APBA1: variants seen among roughly 807,000 people sequenced by gnomAD.
APBA1 encodes amyloid-beta A4 precursor protein-binding family A member 1.
In APBA1, 55 loss-of-function variants were observed where a neutral mutation model predicts 86.6. The observed-to-expected ratio is 0.64, with a 90% CI of 0.51 to 0.80. APBA1 has a LOEUF of 0.80. Among genes scored for constraint, APBA1 ranks in the 30% least tolerant of loss-of-function variants. APBA1 has a pLI of 0.00. For missense variants in APBA1, 1,090 were observed against 1,183.0 expected, an observed-to-expected ratio of 0.92 and a Z score of 1.15; for synonymous variants, 511 against 493.9, an observed-to-expected ratio of 1.03 and a Z score of -0.46.
intron 2 of APBA1, among the ~76,000 whole-genome samples, chr9:69,495,648 C>T (rs922166911): frequency 1.3e-5 from 2 of 152,102 alleles, no homozygotes; most frequent in Non-Finnish European, 2.9e-5. Context: ...CTGGCCTACC[C>T]CTTCTGGCAG....
At chr9:69,457,740 G>C (rs1835122479) in intron 6 of APBA1, among the ~76,000 whole-genome samples, 2 of 152,168 alleles carry the variant, frequency 1.3e-5, no homozygotes, top group African/African-American at 4.8e-5. Flanking sequence ...AGCGCAGTCT[G>C]GTTCATTTAG....
At chr9:69,592,578 G>C (rs1293218436) in intron 1 of APBA1, among the ~76,000 whole-genome samples, 3 of 152,204 alleles carry the variant, frequency 2.0e-5, no homozygotes, top group Non-Finnish European at 4.4e-5. Flanking sequence ...CTGGGCAACA[G>C]AGCAAGACCC....
In APBA1 at chr9:69,545,365, G is replaced by C. The variant is rs546988854; in HGVS notation, c.-69-28086C>G. 8.5e-5 allele frequency among the ~76,000 whole-genome samples: 13 copies of C among 152,300 alleles called. No homozygotes were observed. In the South Asian group the frequency reaches 2.7e-3, roughly 32 times the overall value. ...GGCTTTCCAGTCCCTCATATGGCCA[G>C]GCTGCACCTCTGGTTCTTGGAACCT... On this transcript the variant is annotated intron_variant, in intron 1 of 12. Transcript: ENST00000265381.
At position 69,440,097 on chromosome 9, in the gene APBA1, G is replaced by A. The variant is rs550893665; in HGVS notation, c.2301+899C>T. ...TCAGCAGCAGTGGCTGCAGAACAGC[G>A]GATATTGGTGAACCGCAAATGCTGC... On this transcript the variant is annotated intron_variant, in intron 11 of 12. Coordinates refer to ENST00000265381, the MANE Select transcript of APBA1 (RefSeq NM_001163.4). Among the ~76,000 whole-genome samples, 284 of 152,286 alleles carry A rather than the reference G, an allele frequency of 1.9e-3. 2 individuals are homozygous for A. Among genetic ancestry groups the A allele is most frequent in the Admixed American group, 2.3e-3 (35 of 15,296 alleles).
In APBA1 at chr9:69,494,002, A is replaced by G. The variant is rs561778765; in HGVS notation, c.1201-17859T>C. 2.3e-4 allele frequency among the ~76,000 whole-genome samples: 35 copies of G among 152,150 alleles called. No individual in the cohort carries two copies. The East Asian group carries it at 5.8e-3, about 25-fold the overall frequency. The stretch of plus-strand genomic sequence containing the variant: ...AAGTTTTTTTTTCTTGCCCCAAGAC[A>G]TGTCTGTGCTTCTAAGAATCGAAAC... On this transcript the variant is annotated intron_variant, in intron 2 of 12. Transcript: ENST00000265381.
Position 69,670,405 on chromosome 9 carries a change from G to A in APBA1, c.-70+1748C>T, listed in dbSNP as rs181077219. ...TAGCCATGACTGCTACGGGCTTTTCGAAGAGAACCGGGCAGCCAGTTTGGA... is the reference window on the plus strand; with the variant it reads ...TAGCCATGACTGCTACGGGCTTTTCAAAGAGAACCGGGCAGCCAGTTTGGA... On this transcript the variant is annotated intron_variant, in intron 1 of 12. Transcript: ENST00000265381. Among the ~76,000 whole-genome samples the A allele has an allele frequency of 1.6e-3, 243 of 152,260 alleles. 1 individual carries two copies. The highest frequency in any genetic ancestry group is 6.8e-3 in the Middle Eastern group (2 of 294).
chr9:69,500,572 G>A (rs1433783119), intron 2 of APBA1, among the ~76,000 whole-genome samples: 5 of 152,070 alleles, frequency 3.3e-5, no homozygotes, highest in African/African-American at 7.2e-5. Context: ...ACAGGAGAAC[G>A]ATGAGACACC....
chr9:69,595,994 C>T (rs767002631), intron 1 of APBA1, among the ~76,000 whole-genome samples: 3 of 152,108 alleles, frequency 2.0e-5, no homozygotes, highest in Non-Finnish European at 2.9e-5. Flanking sequence ...GCATCCCCCC[C>T]ACCCCTTTTG....
intron 11 of APBA1, 43 bp from the exon 12 acceptor site, chr9:69,432,719 C>A (rs3737172): frequency 1.4e-6 from 2 of 1,446,564 alleles, no homozygotes; most frequent in Non-Finnish European, 1.8e-6. Flanking sequence ...GCAGACAGTG[C>A]GGTGGGGCTG....
intron 10 of APBA1, among the ~76,000 whole-genome samples, chr9:69,446,086 G>A (rs1807738461): frequency 1.3e-5 from 2 of 152,196 alleles, no homozygotes; most frequent in African/African-American, 4.8e-5. Flanking sequence ...TGGTCCAGAT[G>A]CTGCTCTGCA....
chr9:69,586,959 T>C (rs1822031627), intron 1 of APBA1, among the ~76,000 whole-genome samples: 2 of 152,236 alleles, frequency 1.3e-5, no homozygotes, highest in Admixed American at 1.3e-4. Flanking sequence ...TGTATGTGCT[T>C]CTGGTAGAGA....
At chr9:69,443,062 T>C (rs984706800) in intron 10 of APBA1, among the ~76,000 whole-genome samples, 1 of 152,178 alleles carries the variant, frequency 6.6e-6, no homozygotes, top group Non-Finnish European at 1.5e-5. Context: ...GTAGGGGCTA[T>C]TTTGCCTCTG....
intron 1 of APBA1, among the ~76,000 whole-genome samples, chr9:69,603,288 C>T (rs1209446928): frequency 2.0e-5 from 3 of 152,222 alleles, no homozygotes; most frequent in Non-Finnish European, 2.9e-5. Flanking sequence ...CTTCTGAGCC[C>T]CAGTCAATGA....
At chr9:69,465,759 G>A (rs1835268182) in intron 5 of APBA1, among the ~76,000 whole-genome samples, 1 of 152,210 alleles carries the variant, frequency 6.6e-6, no homozygotes, top group Non-Finnish European at 1.5e-5. Flanking sequence ...TTTGGGTAGG[G>A]GGTGGGGCTT....
At position 69,457,850 on chromosome 9, in the gene APBA1, T is replaced by G. The variant is rs2781534; in HGVS notation, c.1515+306A>C. The stretch of plus-strand genomic sequence containing the variant: ...CAAGCATAACTATAATCAAACAGAC[T>G]CAAGTCCCTGCCACATCGATGCTCC... On this transcript the variant is annotated intron_variant, in intron 6 of 12. Transcript: ENST00000265381. Among the ~76,000 whole-genome samples the G allele has an allele frequency of 5.7e-3, 865 of 152,260 alleles. 8 individuals are homozygous for G. The highest frequency in any genetic ancestry group is 0.019 in the African/African-American group (809 of 41,522).
chr9:69,454,830 A>G (rs1835068372), intron 8 of APBA1, among the ~76,000 whole-genome samples: 1 of 150,024 alleles, frequency 6.7e-6, no homozygotes, highest in East Asian at 1.9e-4. Context: ...AAAAGTCCAA[A>G]TTTTCACTCT....
At chr9:69,456,950 G>T (rs768757486) in intron 7 of APBA1, 103 bp downstream of exon 7, 1 of 966,424 alleles carries the variant, frequency 1.0e-6, no homozygotes, top group Non-Finnish European at 1.6e-6. Flanking sequence ...CAGAATCTAG[G>T]GACAGCTGCT....
intron 1 of APBA1, among the ~76,000 whole-genome samples, chr9:69,627,411 T>C (rs886519077): frequency 1.3e-5 from 2 of 152,118 alleles, no homozygotes; most frequent in Non-Finnish European, 2.9e-5. Flanking sequence ...CTGGCTTGCA[T>C]GGGAAGGCAG....
intron 2 of APBA1, among the ~76,000 whole-genome samples, chr9:69,483,587 A>C (rs533321486): frequency 6.6e-6 from 1 of 152,302 alleles, no homozygotes; most frequent in African/African-American, 2.4e-5. Flanking sequence ...ATAAAGGGCC[A>C]CAAATGAACA....
Sources: gnomAD v4.1 joint callset for allele counts (sites outside exome capture counted in the v4.1 genomes callset) on GRCh38, gnomAD v4.1.1 for gene constraint, MANE v1.5 for transcripts, NCBI Gene and HGNC (gene_info 2026-07-23, HGNC 2026-07-21) for gene names.